The following TBC1D14 variants were observed in gnomAD, a reference collection of about 807,000 sequenced individuals.
TBC1D14 encodes TBC1 domain family member 14.
A neutral mutation model predicts 79.0 loss-of-function variants in TBC1D14; 26 were observed. The observed-to-expected ratio is 0.33, with a 90% CI of 0.24 to 0.46. TBC1D14 has a LOEUF of 0.46. TBC1D14 is among the 20% of genes least tolerant of loss of function. The probability of loss-of-function intolerance (pLI) is 1.00; values close to 1 mark genes in which losing one functional copy is unlikely to be tolerated. For missense variants in TBC1D14, 769 were observed against 887.6 expected, an observed-to-expected ratio of 0.87 and a Z score of 1.70; for synonymous variants, 394 against 349.9, an observed-to-expected ratio of 1.13 and a Z score of -1.40.
At chr4:7,030,271 G>A in intron 13 of TBC1D14, 56 bp from the exon 14 acceptor site, 1 of 1,572,790 alleles carries the variant, frequency 6.4e-7, no homozygotes, top group South Asian at 1.1e-5. Flanking sequence ...CTTCGCTGCT[G>A]TCAGGATCTG....
rs1717579681 is a variant in TBC1D14 at position 6,983,726 on chromosome 4, G to A, written c.844-10458G>A. Among the ~76,000 whole-genome samples the A allele has an allele frequency of 7.2e-5, 11 of 152,302 alleles. No individual in the cohort carries two copies. In the South Asian group the frequency reaches 2.3e-3, roughly 32 times the overall value. On this transcript the variant is annotated intron_variant, in intron 3 of 13. Coordinates refer to ENST00000409757, the MANE Select transcript of TBC1D14 (RefSeq NM_020773.3). ...GGAAGTGATCTGAAGTTTCTACAGG[G>A]GAAATGGCAGCATGGTTGTTTAATT...
intron 2 of TBC1D14, among the ~76,000 whole-genome samples, chr4:6,939,292 C>T (rs746212244): frequency 6.6e-6 from 1 of 152,118 alleles, no homozygotes; most frequent in Admixed American, 6.5e-5. Flanking sequence ...CCTGCCTCTT[C>T]CTGCTGCATA....
At chr4:6,954,005 C>T (rs1358466877) in intron 2 of TBC1D14, among the ~76,000 whole-genome samples, 1 of 151,102 alleles carries the variant, frequency 6.6e-6, no homozygotes, top group Non-Finnish European at 1.5e-5. Flanking sequence ...TGCCCTGCCA[C>T]GGCATGTGGT....
chr4:6,994,601 C>A (rs1439688014), intron 4 of TBC1D14, among the ~76,000 whole-genome samples: 1 of 152,164 alleles, frequency 6.6e-6, no homozygotes, highest in Non-Finnish European at 1.5e-5. Flanking sequence ...GTAATCCCTG[C>A]ACTTTGGGAG....
intron 2 of TBC1D14, among the ~76,000 whole-genome samples, chr4:6,962,713 C>T (rs1398627478): frequency 2.6e-5 from 4 of 152,186 alleles, no homozygotes; most frequent in African/African-American, 4.8e-5. Context: ...CTTGCCTGCT[C>T]TCTCCCAGCC....
At chr4:6,945,351 T>G (rs1388971174) in intron 2 of TBC1D14, among the ~76,000 whole-genome samples, 1 of 152,098 alleles carries the variant, frequency 6.6e-6, no homozygotes, top group Non-Finnish European at 1.5e-5. Flanking sequence ...CAGTTTGATT[T>G]TTCTTGAGTG....
intron 3 of TBC1D14, among the ~76,000 whole-genome samples, chr4:6,990,806 C>T (rs778910841): frequency 6.6e-6 from 1 of 152,188 alleles, no homozygotes; most frequent in African/African-American, 2.4e-5. Flanking sequence ...ACGACTCACC[C>T]AAGCCAGGAC....
intron 7 of TBC1D14, among the ~76,000 whole-genome samples, chr4:7,004,226 T>C (rs1045737385): frequency 7.2e-5 from 11 of 152,240 alleles, no homozygotes; most frequent in Non-Finnish European, 1.5e-4. Flanking sequence ...CAAAAATAAG[T>C]TCTAAATATG....
chr4:6,963,673 C>T (rs1359472665), intron 2 of TBC1D14, among the ~76,000 whole-genome samples: 1 of 152,230 alleles, frequency 6.6e-6, no homozygotes, highest in Non-Finnish European at 1.5e-5. Flanking sequence ...CTTGTAGTGA[C>T]TTGTTTTGGG....
chr4:6,992,384 C>G (rs1718594422), intron 3 of TBC1D14, among the ~76,000 whole-genome samples: 1 of 152,236 alleles, frequency 6.6e-6, no homozygotes. Flanking sequence ...CCCAGCCTTG[C>G]TGGCTGTATG....
chr4:6,924,222 C>T, intron 2 of TBC1D14, 111 bp downstream of exon 2: 1 of 1,397,510 alleles, frequency 7.2e-7, no homozygotes. Context: ...CAGGCACTGT[C>T]TCACACAGAT....
At chr4:6,940,563 T>C (rs1482209222) in intron 2 of TBC1D14, among the ~76,000 whole-genome samples, 1 of 152,084 alleles carries the variant, frequency 6.6e-6, no homozygotes, top group Non-Finnish European at 1.5e-5. Flanking sequence ...GAGGGTGTGT[T>C]TGACCCTCCC....
intron 3 of TBC1D14, among the ~76,000 whole-genome samples, chr4:6,973,296 C>T (rs1716379800): frequency 6.6e-6 from 1 of 151,590 alleles, no homozygotes; most frequent in Non-Finnish European, 1.5e-5. Flanking sequence ...TGGGGTACTC[C>T]AAAAGTCTCA....
At chr4:6,944,773 G>T (rs4458452) in intron 2 of TBC1D14, among the ~76,000 whole-genome samples, 113,017 of 152,162 alleles carry the variant, frequency 0.74, 43,030 homozygotes, top group East Asian at 0.97. Context: ...GGTTCCACGG[G>T]ACTGGCTGGA....
intron 2 of TBC1D14, among the ~76,000 whole-genome samples, chr4:6,957,707 T>C (rs1461839854): frequency 6.6e-6 from 1 of 151,922 alleles, no homozygotes; most frequent in Non-Finnish European, 1.5e-5. Flanking sequence ...AGCCCAGGAG[T>C]TCGAGACCGG....
intron 12 of TBC1D14, among the ~76,000 whole-genome samples, chr4:7,021,448 A>G (rs912001120): frequency 2.0e-5 from 3 of 152,082 alleles, no homozygotes; most frequent in Non-Finnish European, 4.4e-5. Flanking sequence ...TAACTTAAAA[A>G]TTAGCCGGTG....
intron 2 of TBC1D14, among the ~76,000 whole-genome samples, chr4:6,937,933 G>T (rs755957185): frequency 3.9e-5 from 6 of 152,068 alleles, no homozygotes; most frequent in African/African-American, 1.4e-4. Flanking sequence ...CACGTCTGAC[G>T]TAGGCTCCCC....
chr4:6,996,763 C>T (rs765417648), intron 5 of TBC1D14, among the ~76,000 whole-genome samples: 12 of 152,184 alleles, frequency 7.9e-5, no homozygotes, highest in Non-Finnish European at 1.6e-4. Flanking sequence ...AGCTGGGTGC[C>T]TGTGTCTCTC....
intron 1 of TBC1D14, 114 bp from the exon 2 acceptor site, chr4:6,923,259 C>T (rs1396968200): frequency 1.6e-6 from 2 of 1,265,538 alleles, no homozygotes; most frequent in Admixed American, 2.8e-5. Flanking sequence ...GTATGTGGAA[C>T]CTTTTCAAGG....
Sources: gnomAD v4.1 joint callset for allele counts (sites outside exome capture counted in the v4.1 genomes callset) on GRCh38, gnomAD v4.1.1 for gene constraint, MANE v1.5 for transcripts, NCBI Gene and HGNC (gene_info 2026-07-23, HGNC 2026-07-21) for gene names.